The following HELQ variants were observed in gnomAD, a reference collection of about 807,000 sequenced individuals.
HELQ encodes helicase, POLQ like, also known as helicase POLQ-like.
Under a neutral mutation model 111.6 loss-of-function variants are expected in HELQ, and 77 were observed. The observed-to-expected ratio is 0.69, with a 90% CI of 0.57 to 0.83. The LOEUF (loss-of-function observed/expected upper bound fraction) is 0.83. Among genes scored for constraint, HELQ ranks in the 40% least tolerant of loss-of-function variants. The pLI is 0.00. For synonymous variants in HELQ, 438 were observed against 454.7 expected, an observed-to-expected ratio of 0.96 and a Z score of 0.47; for missense variants, 1,200 against 1,288.5, an observed-to-expected ratio of 0.93 and a Z score of 1.05.
chr4:83,421,781 A>C, intron 14 of HELQ, 45 bp from the exon 15 acceptor site: 1 of 1,451,248 alleles, frequency 6.9e-7, no homozygotes, highest in Non-Finnish European at 9.6e-7. Flanking sequence ...GACCTGCTAA[A>C]AATGTATGTT....
At chr4:83,438,873 T>G (rs1720608922) in intron 8 of HELQ, among the ~76,000 whole-genome samples, 1 of 152,130 alleles carries the variant, frequency 6.6e-6, no homozygotes, top group Admixed American at 6.5e-5. Flanking sequence ...TGGCTATATG[T>G]TGGACTTGCC....
At chr4:83,448,525 C>G (rs1721172594) in intron 3 of HELQ, among the ~76,000 whole-genome samples, 1 of 151,908 alleles carries the variant, frequency 6.6e-6, no homozygotes. Flanking sequence ...CAAAAATTGG[C>G]TGGGTATGGT....
In HELQ at chr4:83,407,472, G is replaced by A. The variant is rs142841769; in HGVS notation, c.3287C>T (p.Ser1096Phe). The A allele has an allele frequency of 8.2e-5, 131 of 1,604,210 alleles. No individual in the cohort carries two copies. Among genetic ancestry groups the A allele is most frequent in the Non-Finnish European group, 1.5e-5 (18 of 1,176,018 alleles). ...LPSDFPGAVA[S>F]STDKA is the part of the protein sequence containing the mutation. ...ATAGCTTCATGCTTTGTCAGTGGAA[G>A]AAGCCACAGCACCAGGGAAATCAGA... The change falls in exon 18 of 18, where the codon TCT (serine) becomes TTT (phenylalanine). Residue 1096 changes from serine (S) to phenylalanine (F), a missense_variant. By Grantham distance (155) the Ser-to-Phe change is radical. This residue lies in a region of HELQ where 585 missense variants were observed against 665.3 expected (regional missense o/e 0.88). Transcript: ENST00000295488.
intron 1 of HELQ, among the ~76,000 whole-genome samples, chr4:83,454,232 AC>A (rs1203018596): frequency 2.0e-5 from 3 of 151,856 alleles, no homozygotes; most frequent in East Asian, 3.9e-4. Flanking sequence ...AACAAACAAA[AC>A]CCCCAAAAAA....
intron 11 of HELQ, among the ~76,000 whole-genome samples, chr4:83,431,372 G>C (rs1720143412): frequency 6.6e-6 from 1 of 151,712 alleles, no homozygotes; most frequent in African/African-American, 2.4e-5. Flanking sequence ...TGCCCAGGCT[G>C]GTCTTGAACT....
chr4:83,453,964 C>T lies in HELQ; in HGVS notation c.298-19G>A, dbSNP rs535044663. The T allele has an allele frequency of 5.4e-4, 754 of 1,399,164 alleles. 13 individuals carry two copies. The South Asian group carries it at 7.6e-3, about 14-fold the overall frequency. 86.7% of individuals were successfully genotyped at this position (1,399,164 alleles called of 1,614,324 possible). A position where few individuals can be genotyped will look rare whatever the true frequency, so the allele number is the denominator to read the frequency against. On this transcript the variant is annotated intron_variant, in intron 1 of 17. Transcript: ENST00000295488. ...CATTAGGCTGCAAAGAGAACAAAAA[C>T]GCTTATGGTCAATTCCAGTTTCATT... is the stretch of plus-strand genomic sequence containing the variant.
chr4:83,444,119 G>C (rs1430324325), intron 5 of HELQ, among the ~76,000 whole-genome samples: 1 of 152,178 alleles, frequency 6.6e-6, no homozygotes, highest in South Asian at 2.1e-4. Context: ...CAGGTATCCT[G>C]AAAGTTACTA....
Position 83,443,623 on chromosome 4 carries a change from CA to C in HELQ, c.1466-10del. On this transcript the variant is annotated splice_polypyrimidine_tract_variant and intron_variant, in intron 5 of 17. Transcript: ENST00000295488. ...AATAATTTGAGTCGTTTCTAAAACA[CA>C]AACAAACAAAAGCCAAAGTGTTAAG... The C allele has an allele frequency of 7.8e-7, 1 of 1,282,570 alleles. No individual in the cohort carries two copies. The allele number at this position is 1,282,570 out of a possible 1,614,324, so 79.4% of individuals were successfully genotyped here. A position where few individuals can be genotyped will look rare whatever the true frequency, so the allele number is the denominator to read the frequency against.
chr4:83,435,975 A>C (rs1437076022), intron 9 of HELQ, among the ~76,000 whole-genome samples: 1 of 37,702 alleles, frequency 2.7e-5, no homozygotes, highest in Admixed American at 3.4e-4. Flanking sequence ...ATACGTGGCA[A>C]AAAAAAAAAA....
At position 83,455,635 on chromosome 4, in the gene HELQ, G is replaced by C. The variant is rs550962808; in HGVS notation, c.59C>G (p.Pro20Arg). 4.3e-6 allele frequency: 7 copies of C among 1,613,678 alleles called. No individual in the cohort carries two copies. The highest frequency in any genetic ancestry group is 1.7e-5 in the Admixed American group (1 of 60,008). ...RRVSLPKRNRPSLGCIFGAPT... is the reference protein window; with the variant it reads ...RRVSLPKRNRRSLGCIFGAPT... ...AGCGCCAAAAATACACCCCAAGCTTGGACGGTTCCTTTTGGGGAGAGACAC... is the reference window on the plus strand; with the variant it reads ...AGCGCCAAAAATACACCCCAAGCTTCGACGGTTCCTTTTGGGGAGAGACAC... The change falls in exon 1 of 18, where the codon CCA (proline) becomes CGA (arginine). Residue 20 changes from proline to arginine, a missense_variant. Around this residue, in one of 3 missense-constraint regions of HELQ, gnomAD observed 610 missense variants for 607.1 expected, o/e 1.00. Coordinates refer to ENST00000295488, the MANE Select transcript of HELQ (RefSeq NM_133636.5).
intron 16 of HELQ, among the ~76,000 whole-genome samples, chr4:83,417,238 T>C (rs1263776024): frequency 2.0e-5 from 3 of 151,684 alleles, no homozygotes; most frequent in Admixed American, 2.0e-4. Flanking sequence ...AGTCTTGCTC[T>C]GTTGCCCAGG....
At chr4:83,442,144 G>A (rs1243724973) in intron 6 of HELQ, among the ~76,000 whole-genome samples, 1 of 151,536 alleles carries the variant, frequency 6.6e-6, no homozygotes, top group Non-Finnish European at 1.5e-5. Flanking sequence ...GACAAAAACA[G>A]TTTGTAAACA....
Position 83,439,881 on chromosome 4 carries a change from A to G in HELQ, c.1790T>C (p.Ile597Thr), listed in dbSNP as rs1253038315. 2 of 1,587,396 alleles carry G rather than the reference A, an allele frequency of 1.3e-6. No homozygotes were observed. Among genetic ancestry groups the G allele is most frequent in the South Asian group, 1.1e-5 (1 of 88,196 alleles). Residue 597 changes from isoleucine to threonine, a missense_variant, in exon 8 of 18, where the codon ATA (isoleucine) becomes ACA (threonine). Ile to Thr is a moderately conservative substitution (Grantham distance 89). Around this residue, in one of 3 missense-constraint regions of HELQ, gnomAD observed 585 missense variants for 665.3 expected, o/e 0.88. Coordinates refer to ENST00000295488, the MANE Select transcript of HELQ (RefSeq NM_133636.5). The part of the protein sequence containing the change: ...KKNCENVAEM[I>T]CKFLSKEYLK... ...AACATACTTGCTTAAAAATTTGCAT[A>G]TCATTTCTGCTACATTTTCACAGTT...
chr4:83,416,929 C>A, intron 16 of HELQ, 64 bp from the exon 17 acceptor site: 1 of 1,461,694 alleles, frequency 6.8e-7, no homozygotes, highest in Non-Finnish European at 9.3e-7. Flanking sequence ...AAATTAAGCA[C>A]TTTACTGAAA....
At chr4:83,412,314 G>A (rs7679232) in intron 17 of HELQ, among the ~76,000 whole-genome samples, 3,611 of 152,258 alleles carry the variant, frequency 0.024, 136 homozygotes, top group African/African-American at 0.082. Context: ...ACTCACACTC[G>A]GACTTGATTT....
intron 17 of HELQ, 52 bp downstream of exon 17, chr4:83,416,679 G>A (rs1033658144): frequency 6.4e-7 from 1 of 1,571,756 alleles, no homozygotes; most frequent in African/African-American, 1.4e-5. Context: ...ATAATACAAG[G>A]AAATAACACT....
intron 2 of HELQ, among the ~76,000 whole-genome samples, chr4:83,451,197 T>C (rs1209827767): frequency 6.6e-6 from 1 of 152,194 alleles, no homozygotes; most frequent in Non-Finnish European, 1.5e-5. Flanking sequence ...TGACAATCAT[T>C]ACCAACATCT....
intron 17 of HELQ, among the ~76,000 whole-genome samples, chr4:83,408,036 C>A (rs923489810): frequency 6.6e-6 from 1 of 152,094 alleles, no homozygotes; most frequent in African/African-American, 2.4e-5. Context: ...TCAAAAGCAA[C>A]ATAATGAGCA....
At chr4:83,408,609 TC>T (rs1738921248) in intron 17 of HELQ, among the ~76,000 whole-genome samples, 1 of 151,556 alleles carries the variant, frequency 6.6e-6, no homozygotes. Flanking sequence ...AGACTGGATC[TC>T]CCTATGTTGT....
Sources: gnomAD v4.1 joint callset for allele counts (sites outside exome capture counted in the v4.1 genomes callset) on GRCh38, gnomAD v4.1.1 for gene constraint, gnomAD v4.1.1 regional missense constraint, MANE v1.5 for transcripts, NCBI Gene and HGNC (gene_info 2026-07-23, HGNC 2026-07-21) for gene names.